Variants in LRRC56 observed in about 807,000 individuals in gnomAD.
The protein encoded by LRRC56 is leucine rich repeat containing 56, also known as leucine-rich repeat-containing protein 56.
Under a neutral mutation model 47.8 loss-of-function variants are expected in LRRC56, and 41 were observed. That is an observed-to-expected ratio of 0.86 (90% CI 0.67 to 1.11). The LOEUF is 1.11. LRRC56 is among the 50% of genes most tolerant of loss of function. LRRC56 has a pLI of 0.00. For synonymous variants in LRRC56, 387 were observed against 311.2 expected (o/e 1.24, Z -2.56); for missense variants, 759 against 704.2 (o/e 1.08, Z -0.88).
At chr11:533,969 C>A, upstream of LRRC56, 1 of 1,606,260 alleles carries the variant, frequency 6.2e-7, no homozygotes. Context: ...GGCTCAGGGA[C>A]CCCCTCAGGA....
upstream of LRRC56, chr11:533,321 A>G: frequency 6.2e-7 from 1 of 1,602,860 alleles, no homozygotes; most frequent in Non-Finnish European, 8.5e-7. Context: ...GGGGTCCCAG[A>G]GGGTCCCGGA....
In LRRC56 at chr11:551,743, C is replaced by T; in HGVS notation, c.889C>T (p.Leu297=). ...GGCCTCCAGGCCCTGGCCCTTCTCCCTGCTGGTCCGTGGGGGCCCCCTGCC... is the reference window on the plus strand; with the variant it reads ...GGCCTCCAGGCCCTGGCCCTTCTCCTTGCTGGTCCGTGGGGGCCCCCTGCC... ...SRASRPWPFS[L]LVRGGPLPEG... is the part of the protein sequence containing the mutation. The change falls in exon 10 of 14, where the codon CTG becomes TTG. Residue 297 remains leucine, a synonymous_variant. Coordinates refer to ENST00000270115, the MANE Select transcript of LRRC56 (RefSeq NM_198075.4). 6.2e-7 allele frequency: 1 copy of T among 1,611,682 alleles called. No homozygotes were observed. Among genetic ancestry groups the T allele is most frequent in the South Asian group, 1.1e-5 (1 of 90,970 alleles).
Position 551,663 on chromosome 11 carries a change from G to C in LRRC56, c.809G>C (p.Gly270Ala), listed in dbSNP as rs1852399678. The change falls in exon 10 of 14, where the codon GGA (glycine) becomes GCA (alanine). Residue 270 changes from glycine (G) to alanine (A), a missense_variant. By Grantham distance (60) the Gly-to-Ala change is moderately conservative (BLOSUM62 0). Transcript: ENST00000270115. The stretch of plus-strand genomic sequence containing the variant: ...GAACCTCGGGCAGACTGTCCCCGTG[G>C]AGCCCCCATCCGGAGACTTGACCCC... The part of the protein sequence containing the change: ...NGLPPLDCPR[G>A]APIRRLDPEL... The C allele has an allele frequency of 6.3e-7, 1 of 1,576,216 alleles. No homozygotes were observed. Among genetic ancestry groups the C allele is most frequent in the Non-Finnish European group, 8.6e-7 (1 of 1,162,744 alleles).
the LRRC56 span, among the ~76,000 whole-genome samples, chr11:521,082 G>A: frequency 2.0e-5 from 3 of 152,150 alleles, no homozygotes; most frequent in African/African-American, 7.2e-5. Flanking sequence ...GCCCAGACAC[G>A]GGGCAGACGC....
intron 5 of LRRC56, among the ~76,000 whole-genome samples, chr11:544,037 C>T (rs978476502): frequency 7.2e-5 from 11 of 152,198 alleles, no homozygotes; most frequent in East Asian, 1.9e-4. Context: ...CGTGAGCCAC[C>T]GCACCCAGCC....
At chr11:539,986 C>T (rs1222465288) in intron 3 of LRRC56, among the ~76,000 whole-genome samples, 1 of 152,214 alleles carries the variant, frequency 6.6e-6, no homozygotes, top group Non-Finnish European at 1.5e-5. Context: ...CGTGGATAGT[C>T]AGGTCCTGGG....
At chr11:532,549 G>C, upstream of LRRC56, 2 of 1,550,500 alleles carry the variant, frequency 1.3e-6, no homozygotes, top group Non-Finnish European at 1.7e-6. Context: ...GGAGGCTGCT[G>C]ACCGCAGGCC....
the LRRC56 span, among the ~76,000 whole-genome samples, chr11:525,306 A>G: frequency 0.39 from 58,089 of 150,386 alleles, 12,146 homozygotes; most frequent in African/African-American, 0.56. Context: ...TTGGGAGGCC[A>G]AGGCGGGCGG....
chr11:518,941 C>T, the LRRC56 span, among the ~76,000 whole-genome samples: 1 of 152,060 alleles, frequency 6.6e-6, no homozygotes, highest in African/African-American at 2.4e-5. Flanking sequence ...CTGGAAACCC[C>T]GCCCCCAAAC....
At chr11:529,283 A>AC in the LRRC56 span, 2 of 152,316 alleles carry the variant, frequency 1.3e-5, no homozygotes, top group African/African-American at 2.4e-5. Flanking sequence ...TCTGGCTGAG[A>AC]CCCCAGACCC....
At chr11:531,613 G>C in the LRRC56 span, among the ~76,000 whole-genome samples, 2 of 152,152 alleles carry the variant, frequency 1.3e-5, no homozygotes, top group Non-Finnish European at 2.9e-5. Context: ...AGGGGCGGGG[G>C]AGAGTGGGGC....
chr11:554,280 A>G lies in LRRC56; in HGVS notation c.*4A>G. ...CCCCAGCCCCGTCCCCACTTAATAT[A>G]GCCCCCACTGCCAGGCTTCCCTGTG... On this transcript the variant is annotated 3_prime_UTR_variant, in exon 14 of 14. Coordinates refer to ENST00000270115, the MANE Select transcript of LRRC56 (RefSeq NM_198075.4). 2 of 1,478,860 alleles carry G rather than the reference A, an allele frequency of 1.4e-6. No individual in the cohort carries two copies. The highest frequency in any genetic ancestry group is 1.8e-6 in the Non-Finnish European group (2 of 1,118,750). The allele number at this position is 1,478,860 out of a possible 1,614,324, so 91.6% of individuals were successfully genotyped here.
chr11:512,010 C>T, the LRRC56 span, among the ~76,000 whole-genome samples: 1 of 151,972 alleles, frequency 6.6e-6, no homozygotes, highest in African/African-American at 2.4e-5. Flanking sequence ...GTGGCGTGAT[C>T]TCGGCTCACT....
At chr11:550,378 C>T (rs1852321921) in intron 8 of LRRC56, 106 bp downstream of exon 8, 1 of 1,044,766 alleles carries the variant, frequency 9.6e-7, no homozygotes, top group Admixed American at 2.8e-5. Flanking sequence ...TGCCCACCCG[C>T]ACCCTATGGC....
the LRRC56 span, among the ~76,000 whole-genome samples, chr11:517,976 G>C: frequency 3.9e-5 from 6 of 152,256 alleles, no homozygotes; most frequent in East Asian, 1.9e-4. Context: ...CAGCATGCTC[G>C]TTAAGAGTCA....
intron 6 of LRRC56, among the ~76,000 whole-genome samples, chr11:545,559 C>G (rs1338589949): frequency 6.6e-6 from 1 of 152,136 alleles, no homozygotes; most frequent in Non-Finnish European, 1.5e-5. Context: ...GAACCCGGAC[C>G]AGACGGCAGC....
upstream of LRRC56, chr11:532,860 A>C: frequency 8.7e-7 from 1 of 1,145,326 alleles, no homozygotes; most frequent in Admixed American, 1.9e-5. Context: ...GAAGCTCCCG[A>C]CTCCACCAGC....
the LRRC56 span, among the ~76,000 whole-genome samples, chr11:522,725 A>T: frequency 1.3e-5 from 2 of 152,064 alleles, no homozygotes; most frequent in Non-Finnish European, 2.9e-5. Flanking sequence ...TGGTAAATAA[A>T]TTCTGACATT....
At chr11:534,917 G>C (rs1851367378), upstream of LRRC56, among the ~76,000 whole-genome samples, 1 of 152,254 alleles carries the variant, frequency 6.6e-6, no homozygotes, top group African/African-American at 2.4e-5. Context: ...TTCAGCCACA[G>C]AAAGCTGGAG....
Sources: allele counts gnomAD v4.1 joint callset (sites outside exome capture counted in the v4.1 genomes callset), GRCh38; gene constraint gnomAD v4.1.1; transcripts MANE v1.5; gene names NCBI Gene and HGNC (gene_info 2026-07-23, HGNC 2026-07-21).